Variants in LGMN observed in about 807,000 individuals in gnomAD.
The protein encoded by LGMN is asparaginyl endopeptidase.
A neutral mutation model predicts 56.8 loss-of-function variants in LGMN; 36 were observed. The ratio of observed to expected loss-of-function variants is 0.63; its 90% CI spans 0.49 to 0.84. The LOEUF (loss-of-function observed/expected upper bound fraction) is 0.84. Among genes scored for constraint, LGMN ranks in the 40% least tolerant of loss-of-function variants. The pLI is 0.00. For synonymous variants in LGMN, 199 were observed against 210.1 expected, an observed-to-expected ratio of 0.95 and a Z score of 0.46; for missense variants, 446 against 556.1, an observed-to-expected ratio of 0.80 and a Z score of 1.99.
At chr14:92,748,017 G>A (rs1294398181) in intron 1 of LGMN, among the ~76,000 whole-genome samples, 1 of 152,122 alleles carries the variant, frequency 6.6e-6, no homozygotes, top group Non-Finnish European at 1.5e-5. Flanking sequence ...TCTCTAAATA[G>A]ATGTCTTTAT....
chr14:92,704,201 C>CG lies in LGMN; in HGVS notation c.*117dup. 7.8e-7 allele frequency: 1 copy of CG among 1,289,698 alleles called. No individual in the cohort carries two copies. Among genetic ancestry groups the CG allele is most frequent in the Non-Finnish European group, 1.1e-6 (1 of 886,310 alleles). The allele number at this position is 1,289,698 out of a possible 1,614,324, so 79.9% of individuals were successfully genotyped here. ...GAAGGTCCTGGAGCGAGCCCTGGAG[C>CG]GGGGGCTCCCCAGGAGGGCCCGAGC... is the stretch of plus-strand genomic sequence containing the variant. On this transcript the variant is annotated 3_prime_UTR_variant, in exon 14 of 14. Transcript: ENST00000334869.
Position 92,719,320 on chromosome 14 carries a change from GCCGCCACCGCCA to G in LGMN, c.139-488_139-477del, listed in dbSNP as rs71123372. 1.0e-4 allele frequency among the ~76,000 whole-genome samples: 5 copies of G among 49,250 alleles called. 1 individual carries two copies. The East Asian group carries it at 1.5e-3, about 15-fold the overall frequency. The allele number at this position is 49,250 out of a possible 152,430, so 32.3% of individuals were successfully genotyped here. On this transcript the variant is annotated intron_variant, in intron 2 of 13. Coordinates refer to ENST00000334869, the MANE Select transcript of LGMN (RefSeq NM_005606.7). Reference sequence around the variant, plus strand: ...CGCCGCCACCGCCGCCACCGCCGCCGCCGCCACCGCCACCGCCATCACCGCCACCACCACCAA... The same window carrying G: ...CGCCGCCACCGCCGCCACCGCCGCCGCCGCCATCACCGCCACCACCACCAA...
chr14:92,715,106 C>T (rs1890000371), intron 5 of LGMN, among the ~76,000 whole-genome samples: 1 of 148,972 alleles, frequency 6.7e-6, no homozygotes, highest in Non-Finnish European at 1.5e-5. Context: ...TAAAGCAGTT[C>T]TCCTGCCTCA....
intron 10 of LGMN, among the ~76,000 whole-genome samples, chr14:92,710,419 G>A (rs1889699432): frequency 6.6e-6 from 1 of 152,234 alleles, no homozygotes; most frequent in African/African-American, 2.4e-5. Flanking sequence ...TGGGTCCACT[G>A]GGAAGGGCAG....
intron 2 of LGMN, among the ~76,000 whole-genome samples, chr14:92,723,220 T>C (rs1233531779): frequency 6.6e-6 from 1 of 152,068 alleles, no homozygotes; most frequent in Non-Finnish European, 1.5e-5. Flanking sequence ...CTAATTTTTA[T>C]ATTTTTAGTA....
At chr14:92,713,757 G>A in intron 7 of LGMN, 66 bp downstream of exon 7, 1 of 1,070,450 alleles carries the variant, frequency 9.3e-7, no homozygotes, top group South Asian at 1.2e-5. Flanking sequence ...CGGGACTGTG[G>A]GCTCTGCACT....
chr14:92,730,323 G>T (rs757743258), intron 2 of LGMN, among the ~76,000 whole-genome samples: 3 of 152,122 alleles, frequency 2.0e-5, no homozygotes, highest in Admixed American at 6.5e-5. Flanking sequence ...ATACAAAAAC[G>T]ATTCGAGAAA....
At chr14:92,711,576 T>C in intron 10 of LGMN, 83 bp downstream of exon 10, 3 of 1,250,932 alleles carry the variant, frequency 2.4e-6, no homozygotes, top group Non-Finnish European at 3.5e-6. Flanking sequence ...ATCCCATGTC[T>C]CTTTAGCAAG....
Position 92,714,383 on chromosome 14 carries a change from T to C in LGMN, c.473A>G (p.Asn158Ser), listed in dbSNP as rs768902240. The change falls in exon 6 of 14, where the codon AAT (asparagine) becomes AGT (serine). Residue 158 changes from asparagine (N) to serine (S), a missense_variant. Coordinates refer to ENST00000334869, the MANE Select transcript of LGMN (RefSeq NM_005606.7). The surrounding 1 kb of genome is among the most constrained non-coding windows in gnomAD (Gnocchi z 5.1). The stretch of plus-strand genomic sequence containing the variant: ...AACGTTAAGAAAACTCACATCTTCA[T>C]TGGGAAAAACCAGTATTCCAGTAGA... ...HGSTGILVFP[N>S]EDLHVKDLNE... 1.0e-5 allele frequency: 16 copies of C among 1,605,478 alleles called. No individual in the cohort carries two copies. In the South Asian group the frequency reaches 1.3e-4, roughly 13 times the overall value.
At position 92,717,289 on chromosome 14, in the gene LGMN, A is replaced by T; in HGVS notation, c.318+91T>A. 6 of 780,678 alleles carry T rather than the reference A, an allele frequency of 7.7e-6. No homozygotes were observed. In the South Asian group the frequency reaches 1.2e-4, roughly 15 times the overall value. 48.4% of individuals were successfully genotyped at this position (780,678 alleles called of 1,614,324 possible). A position where few individuals can be genotyped will look rare whatever the true frequency, so the allele number is the denominator to read the frequency against. On this transcript the variant is annotated intron_variant, in intron 4 of 13. Transcript: ENST00000334869. The stretch of plus-strand genomic sequence containing the variant: ...ACACCGACCAGAAGCCAGTCTAGGG[A>T]GATTCTGATTCTAGAAACAGAAGAA...
intron 1 of LGMN, among the ~76,000 whole-genome samples, chr14:92,744,599 T>G (rs916147019): frequency 6.6e-6 from 1 of 150,876 alleles, no homozygotes; most frequent in Non-Finnish European, 1.5e-5. Context: ...CTTTAGTTTT[T>G]TTTTTTTTTT....
intron 1 of LGMN, 36 bp from the exon 2 acceptor site, chr14:92,732,851 C>T: frequency 6.4e-7 from 1 of 1,561,650 alleles, no homozygotes; most frequent in South Asian, 1.2e-5. Flanking sequence ...TACAAAGCAA[C>T]AAGAACTGAT....
chr14:92,725,160 C>T (rs144269659), intron 2 of LGMN, among the ~76,000 whole-genome samples: 1 of 152,222 alleles, frequency 6.6e-6, no homozygotes, highest in Non-Finnish European at 1.5e-5. Context: ...GACGGCCCTG[C>T]TGCAAGAATG....
intron 2 of LGMN, among the ~76,000 whole-genome samples, chr14:92,720,249 C>T (rs12586718): frequency 0.084 from 12,836 of 152,288 alleles, 687 homozygotes; most frequent in East Asian, 0.24. Context: ...GGCCTTATCT[C>T]GTTTAATTCT....
chr14:92,719,327 CCGCCACCGCCAT>C lies in LGMN; in HGVS notation c.139-495_139-484del, dbSNP rs1378502496. ...ACCGCCGCCACCGCCGCCGCCGCCA[CCGCCACCGCCAT>C]CACCGCCACCACCACCAACACCACC... is the stretch of plus-strand genomic sequence containing the variant. On this transcript the variant is annotated intron_variant, in intron 2 of 13. Coordinates refer to ENST00000334869, the MANE Select transcript of LGMN (RefSeq NM_005606.7). Among the ~76,000 whole-genome samples the C allele has an allele frequency of 5.0e-3, 538 of 107,412 alleles. 13 individuals carry two copies. Among genetic ancestry groups the C allele is most frequent in the Non-Finnish European group, 7.0e-3 (380 of 54,284 alleles). The allele number at this position is 107,412 out of a possible 152,430, so 70.5% of individuals were successfully genotyped here. A position where few individuals can be genotyped will look rare whatever the true frequency, so the allele number is the denominator to read the frequency against.
rs117177207 is a variant in LGMN at position 92,732,628 on chromosome 14, A to T, written c.138+21T>A. On this transcript the variant is annotated intron_variant, in intron 2 of 13. Coordinates refer to ENST00000334869, the MANE Select transcript of LGMN (RefSeq NM_005606.7). ...AGAATGCCAGTGTCCTTAACAAAAA[A>T]AAGATTAGTCATTTTCTTACCTGGT... 3.6e-3 allele frequency: 5,777 copies of T among 1,612,010 alleles called. 19 individuals carry two copies. Among genetic ancestry groups the T allele is most frequent in the Middle Eastern group, 7.8e-3 (47 of 6,056 alleles).
In LGMN at chr14:92,711,875, C is replaced by A; in HGVS notation, c.691G>T (p.Asp231Tyr). ...TCCATCCAGTTGACGCTGTACCAGT[C>A]CCCCAGGTACGTGGACCTCTTCTCA... ...YDEKRSTYLG[D>Y]WYSVNWMEDS... The change falls in exon 9 of 14, where the codon GAC becomes TAC. Residue 231 changes from aspartate to tyrosine, a missense_variant. Coordinates refer to ENST00000334869, the MANE Select transcript of LGMN (RefSeq NM_005606.7). The A allele has an allele frequency of 6.2e-7, 1 of 1,613,822 alleles. No homozygotes were observed. The highest frequency in any genetic ancestry group is 8.5e-7 in the Non-Finnish European group (1 of 1,179,714).
At chr14:92,705,373 G>A (rs1375741194) in intron 12 of LGMN, among the ~76,000 whole-genome samples, 4 of 152,032 alleles carry the variant, frequency 2.6e-5, no homozygotes, top group Admixed American at 1.3e-4. Context: ...GTGGTGGCGC[G>A]TGCCTGTAAT....
At chr14:92,740,565 G>A (rs1414204670) in intron 1 of LGMN, among the ~76,000 whole-genome samples, 1 of 152,174 alleles carries the variant, frequency 6.6e-6, no homozygotes, top group African/African-American at 2.4e-5. Context: ...TTATGTGAAA[G>A]TCTGGGAGGC....
Sources: allele counts gnomAD v4.1 joint callset (sites outside exome capture counted in the v4.1 genomes callset), GRCh38; gene constraint gnomAD v4.1.1; non-coding constraint Gnocchi (gnomAD v3.1); transcripts MANE v1.5; gene names NCBI Gene and HGNC (gene_info 2026-07-23, HGNC 2026-07-21).